Variants in CAPN1 observed in about 807,000 individuals in gnomAD.
CAPN1 encodes calpain-1 catalytic subunit.
In CAPN1, 77 loss-of-function variants were observed where a neutral mutation model predicts 105.2. The observed-to-expected ratio is 0.73, with a 90% CI of 0.61 to 0.88. CAPN1 has a LOEUF of 0.88. CAPN1 is among the 40% of genes least tolerant of loss of function. The pLI, the probability that CAPN1 is intolerant of heterozygous loss-of-function variation, is 0.00. For missense variants in CAPN1, 833 were observed against 976.6 expected, an observed-to-expected ratio of 0.85 and a Z score of 1.96; for synonymous variants, 355 against 388.8, an observed-to-expected ratio of 0.91 and a Z score of 1.02.
chr11:65,192,010 A>G (rs1221980828), intron 10 of CAPN1, among the ~76,000 whole-genome samples: 1 of 152,088 alleles, frequency 6.6e-6, no homozygotes. Context: ...TCTTTTATTT[A>G]TTAAAATGGT....
intron 10 of CAPN1, among the ~76,000 whole-genome samples, chr11:65,201,832 T>TG (rs1369040298): frequency 6.8e-6 from 1 of 146,392 alleles, no homozygotes; most frequent in South Asian, 2.2e-4. Context: ...TTTTTGTTTT[T>TG]TTTTTTTTGA....
rs559846180 is a variant in CAPN1 at position 65,211,220 on chromosome 11, C to G, written c.2119-40C>G. 1.9e-6 allele frequency: 3 copies of G among 1,610,440 alleles called. No individual in the cohort carries two copies. In the African/African-American group the frequency reaches 4.0e-5, roughly 22 times the overall value. On this transcript the variant is annotated intron_variant, in intron 21 of 21. Coordinates refer to ENST00000279247, the MANE Select transcript of CAPN1 (RefSeq NM_005186.4). Reference sequence around the variant, plus strand: ...TTGGGTGGGGAAGAAGCCAGGGAGCCATTTCTGCGGCCCCAGCTGACCTGC... The same window carrying G: ...TTGGGTGGGGAAGAAGCCAGGGAGCGATTTCTGCGGCCCCAGCTGACCTGC...
Position 65,211,554 on chromosome 11 carries a change from G to A in CAPN1, c.*268G>A, listed in dbSNP as rs1479668667. The A allele has an allele frequency of 8.7e-6, 5 of 575,562 alleles. No homozygotes were observed. In the Admixed American group the frequency reaches 8.9e-5, roughly 10 times the overall value. 35.7% of individuals were successfully genotyped at this position (575,562 alleles called of 1,614,324 possible). ...CAAGCCAGGAAGGCAGCTTTCGCTTGTTCCTGCCTCGGGACAGCCCCGGGT... is the reference window on the plus strand; with the variant it reads ...CAAGCCAGGAAGGCAGCTTTCGCTTATTCCTGCCTCGGGACAGCCCCGGGT... On this transcript the variant is annotated 3_prime_UTR_variant, in exon 22 of 22. Transcript: ENST00000279247.
chr11:65,200,773 G>C (rs1219138206), intron 10 of CAPN1, among the ~76,000 whole-genome samples: 1 of 151,402 alleles, frequency 6.6e-6, no homozygotes, highest in African/African-American at 2.4e-5. Flanking sequence ...GACTATGATA[G>C]AGACACACAC....
At position 65,210,854 on chromosome 11, in the gene CAPN1, G is replaced by T; in HGVS notation, c.2100G>T (p.Val700=). 6.2e-7 allele frequency: 1 copy of T among 1,613,728 alleles called. No homozygotes were observed. Among genetic ancestry groups the T allele is most frequent in the South Asian group, 1.1e-5 (1 of 91,070 alleles). ...KTLDTDLDGV[V]TFDLFKWLQL... is the part of the protein sequence containing the mutation. Reference sequence around the variant, plus strand: ...TGGACACAGATCTGGATGGAGTTGTGACCTTTGACTTGTTTAAGGTGGGAA... The same window carrying T: ...TGGACACAGATCTGGATGGAGTTGTTACCTTTGACTTGTTTAAGGTGGGAA... The change falls in exon 21 of 22, where the codon GTG becomes GTT. Residue 700 remains valine (V), a synonymous_variant. Transcript: ENST00000279247. The surrounding 1 kb of genome is among the most constrained non-coding windows in gnomAD (Gnocchi z 4.3).
Position 65,205,772 on chromosome 11 carries a change from A to G in CAPN1, c.1353+51A>G, listed in dbSNP as rs1948948148. The stretch of plus-strand genomic sequence containing the variant: ...GCAGTCACACACCCCTGATGGTGCC[A>G]GAGGGGAGCAACCCAGTGGCAAACC... On this transcript the variant is annotated intron_variant, in intron 12 of 21. Coordinates refer to ENST00000279247, the MANE Select transcript of CAPN1 (RefSeq NM_005186.4). 4 of 1,586,412 alleles carry G rather than the reference A, an allele frequency of 2.5e-6. No individual in the cohort carries two copies. The East Asian group carries it at 8.9e-5, about 35-fold the overall frequency.
In CAPN1 at chr11:65,210,002, T is replaced by C. The variant is rs781259024; in HGVS notation, c.1864-16T>C. ...GGGTGACTCAGCCTGGCCCTCACCCTCTGCCGCCACCTCAGTCCATCTTCC... is the reference window on the plus strand; with the variant it reads ...GGGTGACTCAGCCTGGCCCTCACCCCCTGCCGCCACCTCAGTCCATCTTCC... On this transcript the variant is annotated splice_polypyrimidine_tract_variant and intron_variant, in intron 18 of 21. Coordinates refer to ENST00000279247, the MANE Select transcript of CAPN1 (RefSeq NM_005186.4). The surrounding 1 kb of genome is among the most constrained non-coding windows in gnomAD (Gnocchi z 4.3). 1.1e-5 allele frequency: 17 copies of C among 1,613,022 alleles called. No individual in the cohort carries two copies. The African/African-American group carries it at 2.1e-4, about 20-fold the overall frequency.
Position 65,188,116 on chromosome 11 carries a change from AC to A in CAPN1, c.929+78del. On this transcript the variant is annotated intron_variant, in intron 8 of 21. Coordinates refer to ENST00000279247, the MANE Select transcript of CAPN1 (RefSeq NM_005186.4). This position sits in a 1 kb window ranked among gnomAD's most constrained non-coding sequence, Gnocchi z 5.5. ...CCCCGACATTTCTGCTCGGGACTCT[AC>A]CAGGCCAGGCTGGACTCAGGATTGA... The A allele has an allele frequency of 2.8e-6, 3 of 1,061,880 alleles. No homozygotes were observed. Among genetic ancestry groups the A allele is most frequent in the Non-Finnish European group, 2.7e-6 (2 of 729,344 alleles). 65.8% of individuals were successfully genotyped at this position (1,061,880 alleles called of 1,614,324 possible).
At chr11:65,193,505 C>T (rs981300270) in intron 10 of CAPN1, among the ~76,000 whole-genome samples, 3 of 151,210 alleles carry the variant, frequency 2.0e-5, no homozygotes, top group African/African-American at 4.9e-5. Context: ...ATTAGCCGGG[C>T]GTAGTGGCAG....
At chr11:65,207,839 G>A (rs1244922145) in intron 14 of CAPN1, among the ~76,000 whole-genome samples, 4 of 152,108 alleles carry the variant, frequency 2.6e-5, no homozygotes, top group Non-Finnish European at 5.9e-5. Context: ...GCTTGAGCCC[G>A]GGAGGCGGAG....
chr11:65,185,962 C>A lies in CAPN1; in HGVS notation c.502C>A (p.Leu168Met). Residue 168 changes from leucine (L) to methionine (M), a missense_variant, in exon 5 of 22, where the codon CTG (leucine) becomes ATG (methionine). Leu to Met is a conservative substitution (Grantham distance 15). Coordinates refer to ENST00000279247, the MANE Select transcript of CAPN1 (RefSeq NM_005186.4). ...GGTGGACGTGGTCGTGGATGACCTG[C>A]TGCCCATCAAGGACGGGAAGCTAGT... is the stretch of plus-strand genomic sequence containing the variant. Reference protein sequence around the residue: ...EWVDVVVDDLLPIKDGKLVFV... With the variant: ...EWVDVVVDDLMPIKDGKLVFV... 6.3e-7 allele frequency: 1 copy of A among 1,597,964 alleles called. No individual in the cohort carries two copies.
chr11:65,183,731 C>A, intron 4 of CAPN1, 139 bp downstream of exon 4: 1 of 637,818 alleles, frequency 1.6e-6, no homozygotes, highest in South Asian at 1.8e-5. Context: ...AGTGCCATCT[C>A]GGGTCTGTCA....
rs1258484846 is a variant in CAPN1 at position 65,185,949 on chromosome 11, C to T, written c.489C>T (p.Val163=). The T allele has an allele frequency of 1.6e-5, 26 of 1,591,716 alleles. No individual in the cohort carries two copies. The highest frequency in any genetic ancestry group is 4.6e-5 in the East Asian group (2 of 43,858). The change falls in exon 5 of 22, where the codon GTC becomes GTT. Residue 163 remains valine (V), a synonymous_variant. Coordinates refer to ENST00000279247, the MANE Select transcript of CAPN1 (RefSeq NM_005186.4). ...LWQFGEWVDV[V]VDDLLPIKDG... ...AATTTGGGGAGTGGGTGGACGTGGT[C>T]GTGGATGACCTGCTGCCCATCAAGG...
intron 4 of CAPN1, chr11:65,183,801 T>C (rs1450578287): frequency 2.8e-5 from 16 of 565,382 alleles, no homozygotes; most frequent in Non-Finnish European, 5.1e-5. Flanking sequence ...GGTGGTTGTA[T>C]GTATCAGGTG....
In CAPN1 at chr11:65,208,131, G is replaced by T. The variant is rs1948989979; in HGVS notation, c.1671+11G>T. On this transcript the variant is annotated intron_variant, in intron 15 of 21. Transcript: ENST00000279247. The surrounding 1 kb of genome is among the most constrained non-coding windows in gnomAD (Gnocchi z 4.1). ...CAGCTGGCAGGGGAGGTAGGTTGGGGCATGGCAGGTTGGGAGGGGCCTGTG... is the reference window on the plus strand; with the variant it reads ...CAGCTGGCAGGGGAGGTAGGTTGGGTCATGGCAGGTTGGGAGGGGCCTGTG... 3.1e-6 allele frequency: 5 copies of T among 1,606,054 alleles called. No individual in the cohort carries two copies. Among genetic ancestry groups the T allele is most frequent in the Non-Finnish European group, 4.3e-6 (5 of 1,176,414 alleles).
At chr11:65,182,145 G>A in intron 1 of CAPN1, 132 bp downstream of exon 1, 1 of 80,758 alleles carries the variant, frequency 1.2e-5, no homozygotes, top group Non-Finnish European at 2.8e-5. Flanking sequence ...TGGCGGAGCG[G>A]CACAGCCCAG....
rs767704137 is a variant in CAPN1 at position 65,186,024 on chromosome 11, C to T, written c.564C>T (p.Ser188=). ...VHSAEGNEFW[S]ALLEKAYAKV... Reference sequence around the variant, plus strand: ...CTGCCGAAGGCAACGAGTTCTGGAGCGCCCTGCTTGAGAAGGCCTATGCCA... The same window carrying T: ...CTGCCGAAGGCAACGAGTTCTGGAGTGCCCTGCTTGAGAAGGCCTATGCCA... Residue 188 remains serine (S), a synonymous_variant, in exon 5 of 22, where the codon AGC becomes AGT. Transcript: ENST00000279247. The T allele has an allele frequency of 1.5e-5, 24 of 1,610,886 alleles. No homozygotes were observed. The South Asian group carries it at 1.7e-4, about 11-fold the overall frequency.
chr11:65,208,370 G>C lies in CAPN1; in HGVS notation c.1729+108G>C. On this transcript the variant is annotated intron_variant, in intron 16 of 21. Transcript: ENST00000279247. This position sits in a 1 kb window ranked among gnomAD's most constrained non-coding sequence, Gnocchi z 4.1. ...CCTCATCCCTTGGTCTGCATGAGTC[G>C]GGGAATCCTCCAGTTTTTCTGAGCC... 1.8e-6 allele frequency: 2 copies of C among 1,090,882 alleles called. No individual in the cohort carries two copies. Among genetic ancestry groups the C allele is most frequent in the Non-Finnish European group, 1.4e-6 (1 of 732,978 alleles). 67.6% of individuals were successfully genotyped at this position (1,090,882 alleles called of 1,614,324 possible). A position where few individuals can be genotyped will look rare whatever the true frequency, so the allele number is the denominator to read the frequency against.
rs543736206 is a variant in CAPN1 at position 65,188,225 on chromosome 11, G to A, written c.929+185G>A. On this transcript the variant is annotated intron_variant, in intron 8 of 21. Coordinates refer to ENST00000279247, the MANE Select transcript of CAPN1 (RefSeq NM_005186.4). This position sits in a 1 kb window ranked among gnomAD's most constrained non-coding sequence, Gnocchi z 5.5. ...GCCGTGCGGGCCCCTGTGCCCAGCC[G>A]TCGGGTGTGTGCAGGGCATCAGACT... 149 of 681,764 alleles carry A rather than the reference G, an allele frequency of 2.2e-4. 1 individual carries two copies. In the African/African-American group the frequency reaches 2.2e-3, roughly 10 times the overall value. 42.2% of individuals were successfully genotyped at this position (681,764 alleles called of 1,614,324 possible).
Sources: gnomAD v4.1 joint callset for allele counts (sites outside exome capture counted in the v4.1 genomes callset) on GRCh38, gnomAD v4.1.1 for gene constraint, Gnocchi (gnomAD v3.1) non-coding constraint, MANE v1.5 for transcripts, NCBI Gene and HGNC (gene_info 2026-07-23, HGNC 2026-07-21) for gene names.